The following GRIN2B variants were observed in gnomAD, a reference collection of about 807,000 sequenced individuals.
GRIN2B encodes glutamate ionotropic receptor NMDA type subunit 2B.
In GRIN2B, 5 loss-of-function variants were observed where a neutral mutation model predicts 114.5. That is an observed-to-expected ratio of 0.04 (90% CI 0.02 to 0.09). The LOEUF (loss-of-function observed/expected upper bound fraction) is 0.09, where lower values mean the gene tolerates loss of function less well. Ranked by LOEUF, GRIN2B falls within the 10% of genes least tolerant of loss-of-function variation. The pLI is 1.00. For synonymous variants in GRIN2B, 787 were observed against 745.1 expected (o/e 1.06, Z -0.92); for missense variants, 1,108 against 1,943.5 (o/e 0.57, Z 8.08).
At chr12:13,816,517 T>C (rs1377430377) in intron 3 of GRIN2B, among the ~76,000 whole-genome samples, 1 of 152,158 alleles carries the variant, frequency 6.6e-6, no homozygotes, top group Non-Finnish European at 1.5e-5. Flanking sequence ...AGCAGGCTTT[T>C]TTGGAGCCCA....
At chr12:13,784,976 A>G (rs1456075626) in intron 3 of GRIN2B, among the ~76,000 whole-genome samples, 1 of 152,232 alleles carries the variant, frequency 6.6e-6, no homozygotes, top group Non-Finnish European at 1.5e-5. Flanking sequence ...AGTTTTGTAT[A>G]TTTCATTATA....
chr12:13,784,104 G>A (rs1398753109), intron 3 of GRIN2B, among the ~76,000 whole-genome samples: 1 of 151,548 alleles, frequency 6.6e-6, no homozygotes, highest in Non-Finnish European at 1.5e-5. Flanking sequence ...GGCACCTGTA[G>A]TCCCAGCTAT....
At chr12:13,751,021 T>A (rs1863475939) in intron 4 of GRIN2B, among the ~76,000 whole-genome samples, 1 of 152,064 alleles carries the variant, frequency 6.6e-6, no homozygotes, top group Non-Finnish European at 1.5e-5. Flanking sequence ...ATCTGACAAA[T>A]GAAGAGCATG....
rs183921843 is a variant in GRIN2B, at chr12:13,950,524, T to G, written c.-19+29404A>C. Among the ~76,000 whole-genome samples, 412 of 152,336 alleles carry G rather than the reference T, an allele frequency of 2.7e-3. 2 individuals are homozygous for G. Among genetic ancestry groups the G allele is most frequent in the African/African-American group, 9.4e-3 (390 of 41,582 alleles). ...AAGTGAGAACATACATGGAAAAGCA[T>G]TTAGCTTGCTAGGATGTGCTCAATA... is the stretch of plus-strand genomic sequence containing the variant. On this transcript the variant is annotated intron_variant, in intron 2 of 13. Coordinates refer to ENST00000609686, the MANE Select transcript of GRIN2B (RefSeq NM_000834.5).
chr12:13,657,352 C>A (rs1018602107), intron 5 of GRIN2B, among the ~76,000 whole-genome samples: 1 of 152,060 alleles, frequency 6.6e-6, no homozygotes, highest in Non-Finnish European at 1.5e-5. Flanking sequence ...GAAGAAGGGC[C>A]CAGGTGCTCA....
chr12:13,718,898 G>A (rs1346988685), intron 4 of GRIN2B, among the ~76,000 whole-genome samples: 2 of 151,892 alleles, frequency 1.3e-5, no homozygotes, highest in East Asian at 1.9e-4. Flanking sequence ...ACTTGCACAG[G>A]GACTAAAGAT....
intron 3 of GRIN2B, among the ~76,000 whole-genome samples, chr12:13,784,223 C>CAAAAAAAAA (rs56197649): frequency 4.2e-5 from 3 of 71,906 alleles, no homozygotes; most frequent in African/African-American, 1.2e-4. Flanking sequence ...GACTTCGCCT[C>CAAAAAAAAA]AAAAAAAAAA....
At chr12:13,662,241 G>A (rs1175682734) in intron 5 of GRIN2B, among the ~76,000 whole-genome samples, 2 of 152,104 alleles carry the variant, frequency 1.3e-5, no homozygotes, top group African/African-American at 2.4e-5. Context: ...AGAAAAAAAT[G>A]GGAGATAAAA....
At chr12:13,886,564 GA>G (rs1392067555) in intron 2 of GRIN2B, among the ~76,000 whole-genome samples, 1 of 152,172 alleles carries the variant, frequency 6.6e-6, no homozygotes, top group Non-Finnish European at 1.5e-5. Flanking sequence ...AGGTGGCAAA[GA>G]GAAACAGAAA....
At chr12:13,717,402 TATC>T (rs1950465684) in intron 4 of GRIN2B, among the ~76,000 whole-genome samples, 1 of 151,990 alleles carries the variant, frequency 6.6e-6, no homozygotes, top group Non-Finnish European at 1.5e-5. Flanking sequence ...ATACTATCTC[TATC>T]ATCAACCCTT....
chr12:13,753,602 T>G lies in GRIN2B; in HGVS notation c.725A>C (p.Glu242Ala). 6.2e-7 allele frequency: 1 copy of G among 1,614,178 alleles called. No homozygotes were observed. Among genetic ancestry groups the G allele is most frequent in the Non-Finnish European group, 8.5e-7 (1 of 1,180,020 alleles). The change falls in exon 4 of 14, where the codon GAA becomes GCA. Residue 242 changes from glutamate (E) to alanine (A), a missense_variant. By Grantham distance (107) the Glu-to-Ala change is moderately radical. Coordinates refer to ENST00000609686, the MANE Select transcript of GRIN2B (RefSeq NM_000834.5). The surrounding 1 kb of genome is among the most constrained non-coding windows in gnomAD (Gnocchi z 6.2). ...CTKEEATYIFEVANSVGLTGY... is the reference protein window; with the variant it reads ...CTKEEATYIFAVANSVGLTGY... ...AGTCAGCCCTACTGAGTTGGCCACT[T>G]CAAAGATGTAGGTGGCTTCTTCCTT... is the stretch of plus-strand genomic sequence containing the variant.
chr12:13,615,467 T>G lies in GRIN2B; in HGVS notation c.1500+26A>C. On this transcript the variant is annotated intron_variant, in intron 7 of 13. Transcript: ENST00000609686. This position sits in a 1 kb window ranked among gnomAD's most constrained non-coding sequence, Gnocchi z 5.8. ...GAAGGAAAATAAATGAAAATGGAAA[T>G]GGAAACAGCCCTTGTGGACACTCAC... is the stretch of plus-strand genomic sequence containing the variant. 1 of 1,593,950 alleles carries G rather than the reference T, an allele frequency of 6.3e-7. No homozygotes were observed. Among genetic ancestry groups the G allele is most frequent in the Non-Finnish European group, 8.6e-7 (1 of 1,161,650 alleles).
At chr12:13,896,374 T>C (rs779153902) in intron 2 of GRIN2B, among the ~76,000 whole-genome samples, 2 of 152,156 alleles carry the variant, frequency 1.3e-5, no homozygotes, top group Non-Finnish European at 2.9e-5. Flanking sequence ...AAGAAGAGGA[T>C]AGGGTGTCCA....
chr12:13,773,782 G>A (rs1356122111), intron 3 of GRIN2B, among the ~76,000 whole-genome samples: 3 of 152,124 alleles, frequency 2.0e-5, no homozygotes, highest in Admixed American at 2.0e-4. Flanking sequence ...GAGACAGTGG[G>A]GAATTTGAGA....
chr12:13,894,630 C>T (rs1306009805), intron 2 of GRIN2B, among the ~76,000 whole-genome samples: 1 of 151,764 alleles, frequency 6.6e-6, no homozygotes, highest in Non-Finnish European at 1.5e-5. Flanking sequence ...CCACAATGAA[C>T]TTATGTTATT....
intron 2 of GRIN2B, among the ~76,000 whole-genome samples, chr12:13,899,871 T>A (rs1866413658): frequency 9.4e-6 from 1 of 105,978 alleles, no homozygotes. Context: ...TTCACCATAG[T>A]CTTTGAGTCT....
At chr12:13,702,197 C>T (rs1169727587) in intron 4 of GRIN2B, among the ~76,000 whole-genome samples, 2 of 152,138 alleles carry the variant, frequency 1.3e-5, no homozygotes, top group African/African-American at 4.8e-5. Flanking sequence ...AAGCTACTAC[C>T]ATCACATCCA....
At chr12:13,656,876 G>T (rs1363435677) in intron 5 of GRIN2B, among the ~76,000 whole-genome samples, 2 of 152,184 alleles carry the variant, frequency 1.3e-5, no homozygotes, top group Non-Finnish European at 1.5e-5. Context: ...TTATAGATAT[G>T]GATGGAAACC....
chr12:13,892,052 C>T (rs1866271177), intron 2 of GRIN2B, among the ~76,000 whole-genome samples: 1 of 152,200 alleles, frequency 6.6e-6, no homozygotes, highest in South Asian at 2.1e-4. Flanking sequence ...TCATTTGATC[C>T]TCATGACAAT....
Sources: gnomAD v4.1 joint callset for allele counts (sites outside exome capture counted in the v4.1 genomes callset) on GRCh38, gnomAD v4.1.1 for gene constraint, Gnocchi (gnomAD v3.1) non-coding constraint, MANE v1.5 for transcripts, NCBI Gene and HGNC (gene_info 2026-07-23, HGNC 2026-07-21) for gene names.